FARS2: variants seen among roughly 807,000 people sequenced by gnomAD.
The protein encoded by FARS2 is phenylalanyl-tRNA synthetase 2, mitochondrial, also known as phenylalanine--tRNA ligase, mitochondrial.
In FARS2, 40 loss-of-function variants were observed where a neutral mutation model predicts 46.4. That is an observed-to-expected ratio of 0.86 (90% CI 0.67 to 1.12). The LOEUF (loss-of-function observed/expected upper bound fraction) is 1.12. FARS2 is among the 50% of genes most tolerant of loss of function. FARS2 has a pLI of 0.00. For synonymous variants in FARS2, 234 were observed against 214.9 expected (o/e 1.09, Z -0.78); for missense variants, 513 against 567.9 (o/e 0.90, Z 0.98).
chr6:5,282,717 T>C (rs1535298), intron 1 of FARS2, among the ~76,000 whole-genome samples: 62,959 of 152,132 alleles, frequency 0.41, 15,051 homozygotes, highest in East Asian at 0.8. Flanking sequence ...CCAGGAATGG[T>C]GCCTAGCGTC....
Position 5,771,583 on chromosome 6 carries a change from T to C in FARS2, c.*154T>C. Reference sequence around the variant, plus strand: ...AAATAAAAGATCGCTCTTGAAAAGCTGTTGACATAGCATTTGTCTTTTATT... The same window carrying C: ...AAATAAAAGATCGCTCTTGAAAAGCCGTTGACATAGCATTTGTCTTTTATT... On this transcript the variant is annotated 3_prime_UTR_variant, in exon 7 of 7. Transcript: ENST00000274680. 2.5e-6 allele frequency: 2 copies of C among 787,912 alleles called. No homozygotes were observed. Among genetic ancestry groups the C allele is most frequent in the South Asian group, 2.0e-5 (1 of 50,364 alleles). The allele number at this position is 787,912 out of a possible 1,614,324, so 48.8% of individuals were successfully genotyped here.
chr6:5,622,096 G>A (rs1386256537), intron 6 of FARS2, among the ~76,000 whole-genome samples: 1 of 152,188 alleles, frequency 6.6e-6, no homozygotes, highest in African/African-American at 2.4e-5. Context: ...CTGCCTCCTG[G>A]GGTGCTGGGC....
the FARS2 span, among the ~76,000 whole-genome samples, chr6:5,251,709 G>C: frequency 6.6e-6 from 1 of 152,198 alleles, no homozygotes; most frequent in Non-Finnish European, 1.5e-5. Context: ...TTCAGCATGA[G>C]ATCTGGGTGG....
chr6:5,477,598 C>A (rs901057908), intron 4 of FARS2, among the ~76,000 whole-genome samples: 1 of 152,204 alleles, frequency 6.6e-6, no homozygotes, highest in African/African-American at 2.4e-5. Flanking sequence ...GTCTTACTAG[C>A]TGGGTGACCT....
At chr6:5,651,894 C>T (rs1471935424) in intron 6 of FARS2, among the ~76,000 whole-genome samples, 2 of 152,144 alleles carry the variant, frequency 1.3e-5, no homozygotes, top group Non-Finnish European at 2.9e-5. Flanking sequence ...TCATAGCCAG[C>T]ATACCACGCC....
intron 4 of FARS2, among the ~76,000 whole-genome samples, chr6:5,450,493 G>A (rs1036220496): frequency 6.6e-6 from 1 of 151,962 alleles, no homozygotes; most frequent in Non-Finnish European, 1.5e-5. Context: ...TGAAGGTCGC[G>A]GTGGCCATCG....
chr6:5,567,759 T>C (rs1582466702), intron 5 of FARS2, among the ~76,000 whole-genome samples: 1 of 152,306 alleles, frequency 6.6e-6, no homozygotes, highest in South Asian at 2.1e-4. Flanking sequence ...CATCTTTGAG[T>C]GTATGATGAG....
chr6:5,647,013 G>A (rs1436551876), intron 6 of FARS2, among the ~76,000 whole-genome samples: 1 of 152,118 alleles, frequency 6.6e-6, no homozygotes, highest in Non-Finnish European at 1.5e-5. Flanking sequence ...CTTATTATCA[G>A]CTGTGACAAG....
At chr6:5,318,387 CAAA>C (rs753113504) in intron 1 of FARS2, among the ~76,000 whole-genome samples, 3 of 77,192 alleles carry the variant, frequency 3.9e-5, no homozygotes, top group Non-Finnish European at 7.9e-5. Context: ...AAAAAAAAAC[CAAA>C]AAAAAAAAAA....
At chr6:5,497,197 A>T (rs1767523081) in intron 4 of FARS2, among the ~76,000 whole-genome samples, 1 of 152,354 alleles carries the variant, frequency 6.6e-6, no homozygotes, top group Admixed American at 6.5e-5. Flanking sequence ...TATATAAAAT[A>T]CAACAATACA....
intron 4 of FARS2, among the ~76,000 whole-genome samples, chr6:5,450,791 T>C (rs1582140635): frequency 6.6e-6 from 1 of 151,784 alleles, no homozygotes; most frequent in Non-Finnish European, 1.5e-5. Flanking sequence ...TTCTTAGGGG[T>C]CTCCTTGCCT....
intron 5 of FARS2, among the ~76,000 whole-genome samples, chr6:5,611,858 G>T (rs1775206738): frequency 6.6e-6 from 1 of 152,134 alleles, no homozygotes; most frequent in Non-Finnish European, 1.5e-5. Context: ...AGGAAGTGTG[G>T]TACCTCAGCT....
intron 6 of FARS2, among the ~76,000 whole-genome samples, chr6:5,645,171 C>T (rs775117244): frequency 1.3e-5 from 2 of 152,178 alleles, no homozygotes; most frequent in Non-Finnish European, 2.9e-5. Flanking sequence ...ACCTTGGAAA[C>T]AGTACACAGA....
intron 1 of FARS2, among the ~76,000 whole-genome samples, chr6:5,339,988 C>T (rs933266488): frequency 3.3e-5 from 5 of 152,198 alleles, no homozygotes; most frequent in Non-Finnish European, 5.9e-5. Context: ...GCTGAAGTTT[C>T]TCTTATGTGG....
intron 4 of FARS2, among the ~76,000 whole-genome samples, chr6:5,490,214 A>G (rs1767020004): frequency 6.6e-6 from 1 of 152,158 alleles, no homozygotes; most frequent in East Asian, 1.9e-4. Flanking sequence ...TCCATGTTGC[A>G]TGTATTAATA....
At chr6:5,702,296 C>T (rs192547144) in intron 6 of FARS2, among the ~76,000 whole-genome samples, 15 of 152,266 alleles carry the variant, frequency 9.9e-5, no homozygotes, top group Admixed American at 3.3e-4. Context: ...TACCAGAAAG[C>T]GAAGTATTTC....
At chr6:5,440,965 AG>A (rs1392927936) in intron 4 of FARS2, among the ~76,000 whole-genome samples, 3 of 146,238 alleles carry the variant, frequency 2.1e-5, no homozygotes, top group Non-Finnish European at 3.0e-5. Flanking sequence ...TCTGTTGCCC[AG>A]GCTGGAGTGC....
intron 4 of FARS2, among the ~76,000 whole-genome samples, chr6:5,487,364 A>G (rs1766834948): frequency 6.6e-6 from 1 of 152,246 alleles, no homozygotes; most frequent in Non-Finnish European, 1.5e-5. Flanking sequence ...GACCACTGAC[A>G]AAAACAGAAT....
chr6:5,726,393 A>C (rs192576261), intron 6 of FARS2, among the ~76,000 whole-genome samples: 1 of 152,198 alleles, frequency 6.6e-6, no homozygotes, highest in South Asian at 2.1e-4. Flanking sequence ...CTGCTGCAGC[A>C]TGGGCAAATA....
Sources: gnomAD v4.1 joint callset for allele counts (sites outside exome capture counted in the v4.1 genomes callset) on GRCh38, gnomAD v4.1.1 for gene constraint, MANE v1.5 for transcripts, NCBI Gene and HGNC (gene_info 2026-07-23, HGNC 2026-07-21) for gene names.